Variants in RBFOX1 observed in about 807,000 individuals in gnomAD.
The protein encoded by RBFOX1 is RNA binding fox-1 homolog 1.
RBFOX1 carries 8 observed loss-of-function variants against 57.7 expected under a neutral mutation model. That is an observed-to-expected ratio of 0.14 (90% CI 0.08 to 0.25). RBFOX1 has a LOEUF of 0.25. Ranked by LOEUF, RBFOX1 falls within the 10% of genes least tolerant of loss-of-function variation. The probability of loss-of-function intolerance (pLI) is 1.00; values close to 1 mark genes in which losing one functional copy is unlikely to be tolerated. For missense variants in RBFOX1, 611 were observed against 548.5 expected (o/e 1.11, Z -1.14); for synonymous variants, 326 against 222.4 (o/e 1.47, Z -4.15).
intron 4 of RBFOX1, among the ~76,000 whole-genome samples, chr16:7,314,988 T>C (rs1004811787): frequency 9.2e-5 from 14 of 152,182 alleles, no homozygotes; most frequent in Non-Finnish European, 1.9e-4. Flanking sequence ...AATTTTAACC[T>C]CCGCTTTTAT....
chr16:6,588,948 T>C (rs755111425), intron 2 of RBFOX1, among the ~76,000 whole-genome samples: 1 of 152,190 alleles, frequency 6.6e-6, no homozygotes, highest in African/African-American at 2.4e-5. Flanking sequence ...ACTAGTCTTG[T>C]ACTTAGGAAA....
chr16:7,259,840 A>G (rs946765415), intron 4 of RBFOX1, among the ~76,000 whole-genome samples: 1 of 152,204 alleles, frequency 6.6e-6, no homozygotes, highest in African/African-American at 2.4e-5. Context: ...TGTGTGTGTA[A>G]TAAGAATCTA....
At chr16:6,897,352 G>A (rs1026772690) in intron 3 of RBFOX1, among the ~76,000 whole-genome samples, 25 of 152,170 alleles carry the variant, frequency 1.6e-4, no homozygotes, top group Admixed American at 1.2e-3. Flanking sequence ...GCAGTGAGCC[G>A]AGGTCGTGCC....
chr16:7,591,965 C>A (rs1483345840), intron 7 of RBFOX1, among the ~76,000 whole-genome samples: 1 of 152,010 alleles, frequency 6.6e-6, no homozygotes, highest in Admixed American at 6.6e-5. Context: ...TAGAGAGGAC[C>A]AGGTGAGGTC....
intron 2 of RBFOX1, among the ~76,000 whole-genome samples, chr16:5,485,583 G>C (rs1488220502): frequency 6.6e-6 from 1 of 152,068 alleles, no homozygotes; most frequent in Non-Finnish European, 1.5e-5. Context: ...TATTTATTCC[G>C]CATTATACCT....
Position 6,936,756 on chromosome 16 carries a change from T to C in RBFOX1, c.-15-115301T>C, listed in dbSNP as rs562966780. The stretch of plus-strand genomic sequence containing the variant: ...AGAGGTAGGGTAATTCCATACTGTA[T>C]TGGTAATTCAAAGCAGATAAAATTG... On this transcript the variant is annotated intron_variant, in intron 3 of 15. Coordinates refer to ENST00000550418, the MANE Select transcript of RBFOX1 (RefSeq NM_018723.4). Among the ~76,000 whole-genome samples, 12 of 152,016 alleles carry C rather than the reference T, an allele frequency of 7.9e-5. No homozygotes were observed. In the Middle Eastern group the frequency reaches 0.017, roughly 215 times the overall value.
At position 6,019,354 on chromosome 16, in the gene RBFOX1, T is replaced by G; in HGVS notation, c.-765T>G. 1 of 984,812 alleles carries G rather than the reference T, an allele frequency of 1.0e-6. No homozygotes were observed. The highest frequency in any genetic ancestry group is 1.2e-6 in the Non-Finnish European group (1 of 829,960). The allele number at this position is 984,812 out of a possible 1,614,324, so 61.0% of individuals were successfully genotyped here. On this transcript the variant is annotated 5_prime_UTR_variant, in exon 1 of 16. Coordinates refer to ENST00000550418, the MANE Select transcript of RBFOX1 (RefSeq NM_018723.4). The surrounding 1 kb of genome is among the most constrained non-coding windows in gnomAD (Gnocchi z 4.2). Reference sequence around the variant, plus strand: ...CTGCCGCCGCCTCCTCCAGCCAGAGTCGGTGGGACTGGCTGCGCTGCCCTG... The same window carrying G: ...CTGCCGCCGCCTCCTCCAGCCAGAGGCGGTGGGACTGGCTGCGCTGCCCTG...
chr16:6,190,269 G>A (rs1306047621), intron 1 of RBFOX1, among the ~76,000 whole-genome samples: 3 of 152,140 alleles, frequency 2.0e-5, no homozygotes, highest in African/African-American at 4.8e-5. Context: ...CTTGTTTGGG[G>A]ATGTTGAGTT....
chr16:5,950,577 C>T (rs1463068004), intron 4 of RBFOX1, among the ~76,000 whole-genome samples: 1 of 152,158 alleles, frequency 6.6e-6, no homozygotes, highest in Non-Finnish European at 1.5e-5. Context: ...GTGTTACAAT[C>T]ATTGCTATTC....
chr16:6,164,015 T>G (rs989278749), intron 1 of RBFOX1, among the ~76,000 whole-genome samples: 1 of 152,216 alleles, frequency 6.6e-6, no homozygotes, highest in African/African-American at 2.4e-5. Flanking sequence ...TACATTTTTG[T>G]GACGAGAGTA....
At chr16:6,831,179 G>T (rs2092683588) in intron 3 of RBFOX1, among the ~76,000 whole-genome samples, 1 of 152,168 alleles carries the variant, frequency 6.6e-6, no homozygotes, top group Non-Finnish European at 1.5e-5. Flanking sequence ...ATATTTGGAG[G>T]TGGGGAATGA....
chr16:5,748,529 A>G (rs2053071438), intron 3 of RBFOX1, among the ~76,000 whole-genome samples: 1 of 152,122 alleles, frequency 6.6e-6, no homozygotes. Context: ...GTAGGTCTCT[A>G]AGGACTTTCT....
rs1391990553 is a variant in RBFOX1 at position 5,943,985 on chromosome 16, TTCCATCCACCCA to T, written c.351+76659_351+76670del. 8.1e-5 allele frequency among the ~76,000 whole-genome samples: 12 copies of T among 148,400 alleles called. No individual in the cohort carries two copies. In the South Asian group the frequency reaches 2.4e-3, roughly 30 times the overall value. On this transcript the variant is annotated intron_variant, in intron 4 of 19. Coordinates refer to the RBFOX1 transcript ENST00000641259. ...CATCCACCCCCCCACCCATCCATCTTTCCATCCACCCATCCATCCATCCACTCACCCATCCAC... is the reference window on the plus strand; with the variant it reads ...CATCCACCCCCCCACCCATCCATCTTTCCATCCATCCACTCACCCATCCAC...
At chr16:5,745,998 C>G (rs2052965791) in intron 3 of RBFOX1, among the ~76,000 whole-genome samples, 1 of 152,206 alleles carries the variant, frequency 6.6e-6, no homozygotes, top group Non-Finnish European at 1.5e-5. Context: ...GTGTTTTACA[C>G]ATGAAGTCCT....
Position 6,724,207 on chromosome 16 carries a change from C to CTTTTTTT in RBFOX1, c.-16+69557_-16+69558insTTTTTTT, listed in dbSNP as rs766088068. Among the ~76,000 whole-genome samples the CTTTTTTT allele has an allele frequency of 2.1e-5, 3 of 141,542 alleles. 1 individual carries two copies. The highest frequency in any genetic ancestry group is 8.1e-5 in the African/African-American group (3 of 37,168). The allele number at this position is 141,542 out of a possible 152,430, so 92.9% of individuals were successfully genotyped here. On this transcript the variant is annotated intron_variant, in intron 3 of 15. Coordinates refer to ENST00000550418, the MANE Select transcript of RBFOX1 (RefSeq NM_018723.4). Reference sequence around the variant, plus strand: ...ATGAGGACGGCGAGAAGGCATCTTCCATTTTTTTTTTTTTTTTTTGAGTTG... The same window carrying CTTTTTTT: ...ATGAGGACGGCGAGAAGGCATCTTCCTTTTTTTATTTTTTTTTTTTTTTTTTGAGTTG...
At chr16:7,500,381 G>A (rs922438244) in intron 4 of RBFOX1, among the ~76,000 whole-genome samples, 1 of 152,180 alleles carries the variant, frequency 6.6e-6, no homozygotes, top group African/African-American at 2.4e-5. Flanking sequence ...GTCCAGTGAG[G>A]TTGTATTTTC....
At chr16:5,454,948 TTC>T (rs1567535784) in intron 1 of RBFOX1, among the ~76,000 whole-genome samples, 167 of 53,440 alleles carry the variant, frequency 3.1e-3, no homozygotes, top group Non-Finnish European at 5.1e-3. Flanking sequence ...CCTTCCTTCC[TTC>T]CTTCCTTCCT....
intron 4 of RBFOX1, among the ~76,000 whole-genome samples, chr16:7,061,001 T>G (rs2054074134): frequency 6.7e-6 from 1 of 150,132 alleles, no homozygotes; most frequent in East Asian, 2.0e-4. Flanking sequence ...TCATGGTTGA[T>G]GAGATTTCAT....
intron 4 of RBFOX1, among the ~76,000 whole-genome samples, chr16:5,966,178 CAT>C (rs1209658770): frequency 1.3e-5 from 2 of 151,824 alleles, no homozygotes; most frequent in Admixed American, 1.3e-4. Context: ...TGAATACACT[CAT>C]AAAGCCACCG....
Sources: allele counts gnomAD v4.1 joint callset (sites outside exome capture counted in the v4.1 genomes callset), GRCh38; gene constraint gnomAD v4.1.1; non-coding constraint Gnocchi (gnomAD v3.1); transcripts MANE v1.5; gene names NCBI Gene and HGNC (gene_info 2026-07-23, HGNC 2026-07-21).